The following NRXN3 variants were observed in gnomAD, a reference collection of about 807,000 sequenced individuals.
NRXN3 encodes neurexin 3, also known as neurexin III.
NRXN3 carries 32 observed loss-of-function variants against 137.6 expected under a neutral mutation model. The ratio of observed to expected loss-of-function variants is 0.23; its 90% CI spans 0.18 to 0.31. The LOEUF (loss-of-function observed/expected upper bound fraction) is 0.31. Among genes scored for constraint, NRXN3 ranks in the 10% least tolerant of loss-of-function variants. The pLI is 1.00. For synonymous variants in NRXN3, 798 were observed against 784.5 expected, an observed-to-expected ratio of 1.02 and a Z score of -0.29; for missense variants, 1,574 against 2,062.5, an observed-to-expected ratio of 0.76 and a Z score of 4.59.
intron 8 of NRXN3, among the ~76,000 whole-genome samples, chr14:78,739,575 G>T (rs1405297967): frequency 6.6e-6 from 1 of 152,170 alleles, no homozygotes; most frequent in Non-Finnish European, 1.5e-5. Flanking sequence ...GGGTTCAAGC[G>T]ATTCTCCTGC....
At chr14:78,866,794 C>CTTTTT (rs1208179961) in intron 10 of NRXN3, among the ~76,000 whole-genome samples, 1 of 119,120 alleles carries the variant, frequency 8.4e-6, no homozygotes, top group African/African-American at 3.4e-5. Flanking sequence ...TTACCTTCAT[C>CTTTTT]TTTTTTTTTT....
intron 4 of NRXN3, among the ~76,000 whole-genome samples, chr14:78,417,353 C>T (rs2153671290): frequency 6.6e-6 from 1 of 152,368 alleles, no homozygotes; most frequent in Middle Eastern, 3.4e-3. Context: ...ACTCTGACCT[C>T]CTTTGCCTGG....
rs150531897 is a variant in NRXN3 at position 78,696,580 on chromosome 14, T to G, written c.1222-12637T>G. 1.5e-3 allele frequency among the ~76,000 whole-genome samples: 232 copies of G among 152,088 alleles called. 2 individuals are homozygous for G. Among genetic ancestry groups the G allele is most frequent in the African/African-American group, 5.5e-3 (226 of 41,452 alleles). On this transcript the variant is annotated intron_variant, in intron 6 of 20. Coordinates refer to ENST00000335750, the MANE Select transcript of NRXN3 (RefSeq NM_001330195.2). The stretch of plus-strand genomic sequence containing the variant: ...TATATGCTTCAACTCAGAATATACT[T>G]CAACTCAGCATATTTGCTGTTAACT...
At chr14:78,857,271 C>T (rs1029341810) in intron 10 of NRXN3, among the ~76,000 whole-genome samples, 1 of 151,772 alleles carries the variant, frequency 6.6e-6, no homozygotes, top group East Asian at 1.9e-4. Context: ...CCTTCCTTTT[C>T]AACATTTACA....
At chr14:78,419,069 C>T (rs1464393661) in intron 4 of NRXN3, among the ~76,000 whole-genome samples, 1 of 152,150 alleles carries the variant, frequency 6.6e-6, no homozygotes, top group African/African-American at 2.4e-5. Context: ...TCAGTTACCC[C>T]TCAGCACCAT....
chr14:78,810,077 A>G (rs2098901923), intron 9 of NRXN3, among the ~76,000 whole-genome samples: 1 of 152,018 alleles, frequency 6.6e-6, no homozygotes, highest in Non-Finnish European at 1.5e-5. Context: ...ACCAGTATAT[A>G]TCTCTATACA....
intron 1 of NRXN3, among the ~76,000 whole-genome samples, chr14:78,192,249 T>C (rs906367539): frequency 2.0e-5 from 3 of 152,278 alleles, no homozygotes; most frequent in Admixed American, 6.5e-5. Flanking sequence ...ACTCAGATCT[T>C]ATCCATAGAG....
chr14:79,227,070 G>A (rs2071044195), intron 15 of NRXN3, among the ~76,000 whole-genome samples: 2 of 151,842 alleles, frequency 1.3e-5, no homozygotes, highest in Non-Finnish European at 2.9e-5. Flanking sequence ...CGCCAGCCTA[G>A]GCCTCCCAAA....
chr14:78,387,258 A>C (rs2090104899), intron 4 of NRXN3, among the ~76,000 whole-genome samples: 1 of 152,234 alleles, frequency 6.6e-6, no homozygotes. Flanking sequence ...TTTCATCCTC[A>C]TAAAAAAAGT....
At chr14:78,436,272 A>T (rs374008581) in intron 4 of NRXN3, among the ~76,000 whole-genome samples, 3 of 152,222 alleles carry the variant, frequency 2.0e-5, no homozygotes, top group Non-Finnish European at 2.9e-5. Context: ...ATTAGTAATG[A>T]TGCCAACCGC....
At chr14:79,112,867 G>A (rs1375500777) in intron 15 of NRXN3, among the ~76,000 whole-genome samples, 1 of 152,200 alleles carries the variant, frequency 6.6e-6, no homozygotes, top group African/African-American at 2.4e-5. Context: ...AATGAAGTGA[G>A]TACCTCTTTG....
At chr14:79,133,260 A>G (rs1205023646) in intron 15 of NRXN3, among the ~76,000 whole-genome samples, 5 of 152,194 alleles carry the variant, frequency 3.3e-5, no homozygotes, top group Non-Finnish European at 1.5e-5. Flanking sequence ...CTCTTAGGCC[A>G]TGGTGTGAAT....
chr14:79,508,104 C>T (rs1224552410), intron 16 of NRXN3, among the ~76,000 whole-genome samples: 2 of 152,042 alleles, frequency 1.3e-5, no homozygotes, highest in Non-Finnish European at 1.5e-5. Context: ...ACTGCATGAC[C>T]TTGAGCAAAT....
chr14:78,578,831 G>A (rs918813304), intron 4 of NRXN3, among the ~76,000 whole-genome samples: 1 of 152,130 alleles, frequency 6.6e-6, no homozygotes, highest in African/African-American at 2.4e-5. Flanking sequence ...ACCCGAGGCT[G>A]CTTCATCAAG....
At chr14:79,216,103 A>G (rs1176746000) in intron 15 of NRXN3, among the ~76,000 whole-genome samples, 1 of 152,200 alleles carries the variant, frequency 6.6e-6, no homozygotes, top group Non-Finnish European at 1.5e-5. Context: ...CTGAGGAGCT[A>G]GAAGTGACTG....
chr14:78,979,214 T>C (rs541215952), intron 14 of NRXN3, among the ~76,000 whole-genome samples: 22 of 152,282 alleles, frequency 1.4e-4, no homozygotes, highest in African/African-American at 4.8e-4. Context: ...TATTATTATA[T>C]ATAATGACCA....
Position 79,358,607 on chromosome 14 carries a change from G to GAAAAAGAA in NRXN3, c.3263-108613_3263-108612insAAAAGAAA, listed in dbSNP as rs10667477. ...AGAGAGAAAGAAAGAAAGAAAGAAA[G>GAAAAAGAA]AGAAAGAAAGAAAGAAAGAAAGAAA... On this transcript the variant is annotated intron_variant, in intron 15 of 20. Transcript: ENST00000335750. Among the ~76,000 whole-genome samples, 5 of 79,942 alleles carry GAAAAAGAA rather than the reference G, an allele frequency of 6.3e-5. 1 individual carries two copies. The highest frequency in any genetic ancestry group is 1.0e-4 in the Non-Finnish European group (4 of 39,154). 52.4% of individuals were successfully genotyped at this position (79,942 alleles called of 152,430 possible). A position where few individuals can be genotyped will look rare whatever the true frequency, so the allele number is the denominator to read the frequency against.
chr14:79,142,854 C>T (rs1340180261), intron 15 of NRXN3, among the ~76,000 whole-genome samples: 1 of 152,106 alleles, frequency 6.6e-6, no homozygotes, highest in Non-Finnish European at 1.5e-5. Flanking sequence ...CTCAGTGGAA[C>T]TTGGCACTGG....
At chr14:78,338,601 TG>T (rs1265079210) in intron 4 of NRXN3, among the ~76,000 whole-genome samples, 1 of 152,168 alleles carries the variant, frequency 6.6e-6, no homozygotes, top group Non-Finnish European at 1.5e-5. Context: ...ACAGTGCAAG[TG>T]GGACAACCGA....
Sources: allele counts gnomAD v4.1 joint callset (sites outside exome capture counted in the v4.1 genomes callset), GRCh38; gene constraint gnomAD v4.1.1; transcripts MANE v1.5; gene names NCBI Gene and HGNC (gene_info 2026-07-23, HGNC 2026-07-21).